The following DOP1B variants were observed in gnomAD, a reference collection of about 807,000 sequenced individuals.
DOP1B encodes the protein DOP1 leucine zipper like protein B.
In DOP1B, 174 loss-of-function variants were observed where a neutral mutation model predicts 233.5. The ratio of observed to expected loss-of-function variants is 0.75; its 90% confidence interval spans 0.66 to 0.85. The LOEUF (loss-of-function observed/expected upper bound fraction) is 0.85, where lower values mean the gene tolerates loss of function less well. DOP1B is among the 40% of genes least tolerant of loss of function. The pLI, the probability that DOP1B is intolerant of heterozygous loss-of-function variation, is 0.00. For synonymous variants in DOP1B, 1,190 were observed against 1,185.6 expected, an observed-to-expected ratio of 1.00 and a Z score of -0.08; for missense variants, 2,652 against 2,846.6, an observed-to-expected ratio of 0.93 and a Z score of 1.56.
chr21:36,217,778 T>C (rs1054025087), intron 9 of DOP1B, among the ~76,000 whole-genome samples: 1 of 152,122 alleles, frequency 6.6e-6, no homozygotes, highest in African/African-American at 2.4e-5. Context: ...CTCTGAAAAA[T>C]CATGATTTAG....
In DOP1B at chr21:36,247,531, G is replaced by A. The variant is rs2066981870; in HGVS notation, c.4712G>A (p.Arg1571Lys). 6.2e-7 allele frequency: 1 copy of A among 1,604,038 alleles called. No individual in the cohort carries two copies. The highest frequency in any genetic ancestry group is 1.7e-5 in the Admixed American group (1 of 57,494). Reference protein sequence around the residue: ...VKLSVSTTSKRENISPDYPLT... With the variant: ...VKLSVSTTSKKENISPDYPLT... ...CTTCACCACAGCACAACCTCCAAGA[G>A]GGAAAACATTTCTCCAGATTATCCA... The change falls in exon 20 of 37, where the codon AGG becomes AAG. Residue 1571 changes from arginine (R) to lysine (K), a missense_variant. Physicochemically the swap from Arg to Lys is conservative, Grantham distance 26. Transcript: ENST00000691173.
intron 27 of DOP1B, among the ~76,000 whole-genome samples, chr21:36,273,898 A>T (rs1196946218): frequency 1.3e-5 from 2 of 151,908 alleles, no homozygotes; most frequent in East Asian, 3.9e-4. Flanking sequence ...ACATGGTGAA[A>T]CCCCGTCTCT....
At chr21:36,158,802 C>CAAAAAAAAAAAA (rs386394681) in intron 1 of DOP1B, among the ~76,000 whole-genome samples, 1 of 93,838 alleles carries the variant, frequency 1.1e-5, no homozygotes, top group Non-Finnish European at 2.0e-5. Context: ...ACTCTTGTCT[C>CAAAAAAAAAAAA]AAAAAAAAAA....
intron 10 of DOP1B, among the ~76,000 whole-genome samples, chr21:36,219,982 A>G (rs1311363398): frequency 6.6e-6 from 1 of 152,178 alleles, no homozygotes; most frequent in Non-Finnish European, 1.5e-5. Flanking sequence ...CGGAGAGCAC[A>G]GGCTCCATTC....
chr21:36,204,531 T>C (rs1017072079), intron 4 of DOP1B, among the ~76,000 whole-genome samples: 3 of 152,136 alleles, frequency 2.0e-5, no homozygotes, highest in Non-Finnish European at 2.9e-5. Flanking sequence ...GTACCCAGGC[T>C]GGAGTACAGT....
At chr21:36,181,156 A>G (rs550148569) in intron 2 of DOP1B, among the ~76,000 whole-genome samples, 1 of 152,310 alleles carries the variant, frequency 6.6e-6, no homozygotes, top group East Asian at 1.9e-4. Flanking sequence ...AAGAAGTCCA[A>G]AATCAATGTC....
chr21:36,225,414 A>T, intron 11 of DOP1B, 151 bp from the exon 12 acceptor site: 1 of 777,046 alleles, frequency 1.3e-6, no homozygotes, highest in Non-Finnish European at 2.0e-6. Context: ...GTACTTTAGT[A>T]GAGATGGGGT....
intron 14 of DOP1B, among the ~76,000 whole-genome samples, chr21:36,232,093 C>A (rs978069798): frequency 5.3e-5 from 8 of 152,158 alleles, no homozygotes; most frequent in Non-Finnish European, 1.0e-4. Flanking sequence ...ATCCACCCGC[C>A]TAGGCCTCCC....
At chr21:36,284,147 G>A (rs1038374711) in intron 32 of DOP1B, among the ~76,000 whole-genome samples, 5 of 150,730 alleles carry the variant, frequency 3.3e-5, no homozygotes, top group African/African-American at 1.2e-4. Context: ...ATGGGGTTTC[G>A]CCATGTTGAC....
chr21:36,190,761 C>T (rs1015750226), intron 2 of DOP1B, among the ~76,000 whole-genome samples: 4 of 152,174 alleles, frequency 2.6e-5, no homozygotes, highest in African/African-American at 7.2e-5. Flanking sequence ...TCATATGATA[C>T]GTATATTAAG....
intron 2 of DOP1B, among the ~76,000 whole-genome samples, chr21:36,176,766 G>A (rs1158118844): frequency 1.3e-5 from 2 of 152,070 alleles, no homozygotes; most frequent in African/African-American, 4.8e-5. Context: ...TGATGCTCTT[G>A]GCACCAGTAT....
chr21:36,207,414 A>G (rs1406211422), intron 4 of DOP1B, among the ~76,000 whole-genome samples: 1 of 148,576 alleles, frequency 6.7e-6, no homozygotes, highest in African/African-American at 2.5e-5. Context: ...CAAACTCCTG[A>G]CCTCAGGTGA....
intron 12 of DOP1B, among the ~76,000 whole-genome samples, chr21:36,226,398 A>G (rs1434865245): frequency 6.6e-6 from 1 of 151,356 alleles, no homozygotes; most frequent in East Asian, 1.9e-4. Flanking sequence ...CTGGGGTTCA[A>G]GTGATTCTCC....
intron 2 of DOP1B, among the ~76,000 whole-genome samples, chr21:36,195,336 G>A (rs1339257294): frequency 1.7e-5 from 2 of 118,482 alleles, no homozygotes; most frequent in Non-Finnish European, 3.4e-5. Context: ...ACAAGACTCT[G>A]GCTCAAAAAA....
intron 23 of DOP1B, among the ~76,000 whole-genome samples, chr21:36,258,399 G>A (rs1276821288): frequency 6.6e-6 from 1 of 150,836 alleles, no homozygotes; most frequent in Non-Finnish European, 1.5e-5. Context: ...GACCCTGTCT[G>A]AAAACAAAAG....
chr21:36,224,407 T>TGACCTCAAGGATCCTCAAG (rs1347757596), intron 11 of DOP1B, among the ~76,000 whole-genome samples: 1 of 151,928 alleles, frequency 6.6e-6, no homozygotes, highest in African/African-American at 2.4e-5. Flanking sequence ...CCCAAACTCC[T>TGACCTCAAGGATCCTCAAG]GACCTCAAGT....
intron 9 of DOP1B, 136 bp from the exon 10 acceptor site, chr21:36,219,236 T>C: frequency 8.5e-7 from 1 of 1,171,384 alleles, no homozygotes; most frequent in Admixed American, 2.5e-5. Context: ...AAGTTAAGTT[T>C]CTGTATATTT....
chr21:36,213,406 G>T (rs375453306), intron 7 of DOP1B, among the ~76,000 whole-genome samples: 2 of 152,140 alleles, frequency 1.3e-5, no homozygotes, highest in South Asian at 4.2e-4. Flanking sequence ...TGAGAACCTT[G>T]CAGACTTATC....
At chr21:36,258,667 C>A (rs547097541) in intron 23 of DOP1B, among the ~76,000 whole-genome samples, 1 of 152,330 alleles carries the variant, frequency 6.6e-6, no homozygotes, top group African/African-American at 2.4e-5. Context: ...CTGGTCTCTT[C>A]CTTCGTTCCA....
Sources: gnomAD v4.1 joint callset for allele counts (sites outside exome capture counted in the v4.1 genomes callset) on GRCh38, gnomAD v4.1.1 for gene constraint, MANE v1.5 for transcripts, NCBI Gene and HGNC (gene_info 2026-07-23, HGNC 2026-07-21) for gene names.